The following NR3C2 variants were observed in gnomAD, a reference collection of about 807,000 sequenced individuals.
NR3C2 encodes the protein mineralocorticoid receptor.
In NR3C2, 15 loss-of-function variants were observed where a neutral mutation model predicts 86.4. That is an observed-to-expected ratio of 0.17 (90% CI 0.12 to 0.27). NR3C2 has a LOEUF of 0.27. NR3C2 is among the 10% of genes least tolerant of loss of function. NR3C2 has a pLI of 1.00. For synonymous variants in NR3C2, 458 were observed against 450.5 expected, an observed-to-expected ratio of 1.02 and a Z score of -0.21; for missense variants, 960 against 1,195.6, an observed-to-expected ratio of 0.80 and a Z score of 2.91.
At chr4:148,144,775 T>G (rs1387923475) in intron 6 of NR3C2, among the ~76,000 whole-genome samples, 1 of 152,214 alleles carries the variant, frequency 6.6e-6, no homozygotes, top group Non-Finnish European at 1.5e-5. Flanking sequence ...TTTTGTAGTA[T>G]AAAAACACAA....
At chr4:148,193,446 C>T (rs1182392633) in intron 4 of NR3C2, among the ~76,000 whole-genome samples, 2 of 152,214 alleles carry the variant, frequency 1.3e-5, no homozygotes, top group Non-Finnish European at 2.9e-5. Flanking sequence ...ATGCAAGCCT[C>T]CGCATGCTGC....
chr4:148,382,025 C>T (rs1747019470), intron 2 of NR3C2, among the ~76,000 whole-genome samples: 1 of 152,178 alleles, frequency 6.6e-6, no homozygotes, highest in African/African-American at 2.4e-5. Context: ...ACCCAATAGA[C>T]ACAGCATAGA....
rs1183326993 is a variant in NR3C2 at position 148,275,434 on chromosome 4, C to CT, written c.1758-15318dup. The stretch of plus-strand genomic sequence containing the variant: ...AGTAGATAAGCCAATCTTATCTTAT[C>CT]TTTTTTTTTTTTTGAGACAGAGTTT... On this transcript the variant is annotated intron_variant, in intron 2 of 8. Transcript: ENST00000358102. Among the ~76,000 whole-genome samples, 1,263 of 144,762 alleles carry CT rather than the reference C, an allele frequency of 8.7e-3. 11 individuals carry two copies. Among genetic ancestry groups the CT allele is most frequent in the African/African-American group, 0.022 (885 of 39,678 alleles). 95.0% of individuals were successfully genotyped at this position (144,762 alleles called of 152,430 possible).
At chr4:148,099,898 GT>G (rs1215666456) in intron 8 of NR3C2, among the ~76,000 whole-genome samples, 1 of 151,988 alleles carries the variant, frequency 6.6e-6, no homozygotes, top group Non-Finnish European at 1.5e-5. Context: ...TAAAATTTTT[GT>G]TTTTTCCAGA....
intron 6 of NR3C2, among the ~76,000 whole-genome samples, chr4:148,129,838 T>C (rs1487190392): frequency 6.6e-6 from 1 of 152,174 alleles, no homozygotes; most frequent in African/African-American, 2.4e-5. Context: ...TCAGGTGATC[T>C]GCCCCCCGCT....
At chr4:148,156,749 T>A (rs1188472124) in intron 4 of NR3C2, among the ~76,000 whole-genome samples, 16 of 152,080 alleles carry the variant, frequency 1.1e-4, no homozygotes. Context: ...CAGTGTGGCG[T>A]TTCCTCAGGG....
chr4:148,430,637 C>A (rs935583331), intron 2 of NR3C2, among the ~76,000 whole-genome samples: 2 of 152,060 alleles, frequency 1.3e-5, no homozygotes, highest in African/African-American at 4.8e-5. Context: ...CTAAGCAATG[C>A]TGTAATGGAT....
At position 148,274,317 on chromosome 4, in the gene NR3C2, G is replaced by A. The variant is rs1740851857; in HGVS notation, c.1758-14200C>T. 2.0e-5 allele frequency among the ~76,000 whole-genome samples: 3 copies of A among 152,158 alleles called. No individual in the cohort carries two copies. The South Asian group carries it at 6.2e-4, about 32-fold the overall frequency. On this transcript the variant is annotated intron_variant, in intron 2 of 8. Transcript: ENST00000358102. ...TAGTCAGCAAATTTACCTCACAATG[G>A]CATGTATTTTCAAGAAAAATAATGG...
intron 2 of NR3C2, among the ~76,000 whole-genome samples, chr4:148,401,717 C>A (rs12711260): frequency 4.0e-5 from 6 of 151,844 alleles, no homozygotes; most frequent in African/African-American, 7.3e-5. Context: ...TCATCTCTGC[C>A]TCCCAAAGTG....
At chr4:148,399,637 T>C (rs867850522) in intron 2 of NR3C2, among the ~76,000 whole-genome samples, 24 of 151,760 alleles carry the variant, frequency 1.6e-4, no homozygotes, top group African/African-American at 5.8e-4. Context: ...ACACCTTACA[T>C]AAACAAACAC....
chr4:148,082,873 G>T (rs933966509), intron 8 of NR3C2, among the ~76,000 whole-genome samples: 1 of 152,078 alleles, frequency 6.6e-6, no homozygotes. Context: ...GGATGCTCGA[G>T]CTTGGTGGGG....
At chr4:148,212,341 A>C (rs1479417932) in intron 3 of NR3C2, among the ~76,000 whole-genome samples, 3 of 152,226 alleles carry the variant, frequency 2.0e-5, no homozygotes, top group Non-Finnish European at 4.4e-5. Context: ...CTTATGCATC[A>C]ATAGAGCCTC....
At chr4:148,253,324 C>A (rs991742941) in intron 3 of NR3C2, among the ~76,000 whole-genome samples, 11 of 152,214 alleles carry the variant, frequency 7.2e-5, no homozygotes, top group African/African-American at 2.6e-4. Flanking sequence ...TGATAAAGAA[C>A]CAAACCTAGG....
intron 1 of NR3C2, 21 bp from the exon 2 acceptor site, chr4:148,436,883 AAAAAATTAG>A (rs1404406095): frequency 2.6e-6 from 4 of 1,563,864 alleles, no homozygotes; most frequent in African/African-American, 1.4e-5. Context: ...AATTTACATT[AAAAAATTAG>A]AGTCAGTTAT....
chr4:148,144,203 CT>C (rs201466117), intron 6 of NR3C2, among the ~76,000 whole-genome samples: 12 of 151,972 alleles, frequency 7.9e-5, no homozygotes, highest in East Asian at 1.9e-4. Context: ...CTGGAAATGA[CT>C]TTTTTTTTCT....
At chr4:148,367,563 A>C (rs1308003662) in intron 2 of NR3C2, among the ~76,000 whole-genome samples, 1 of 152,160 alleles carries the variant, frequency 6.6e-6, no homozygotes, top group Non-Finnish European at 1.5e-5. Context: ...CTGAAATTTA[A>C]GACAGGCTGC....
chr4:148,256,511 G>A (rs895862830), intron 3 of NR3C2, among the ~76,000 whole-genome samples: 12 of 152,068 alleles, frequency 7.9e-5, no homozygotes, highest in African/African-American at 1.2e-4. Context: ...TTCGGGTAGG[G>A]CAACACTACT....
At chr4:148,081,581 C>A (rs1424612439) in intron 8 of NR3C2, 82 bp from the exon 9 acceptor site, 2 of 1,591,144 alleles carry the variant, frequency 1.3e-6, no homozygotes, top group African/African-American at 2.7e-5. Context: ...TTGGTGGGAA[C>A]TCAAATGACA....
At chr4:148,148,889 A>G (rs1733986040) in intron 6 of NR3C2, among the ~76,000 whole-genome samples, 1 of 152,216 alleles carries the variant, frequency 6.6e-6, no homozygotes, top group African/African-American at 2.4e-5. Flanking sequence ...TAGAATACTG[A>G]CAACAGTTAA....
Sources: gnomAD v4.1 joint callset for allele counts (sites outside exome capture counted in the v4.1 genomes callset) on GRCh38, gnomAD v4.1.1 for gene constraint, MANE v1.5 for transcripts, NCBI Gene and HGNC (gene_info 2026-07-23, HGNC 2026-07-21) for gene names.